The following SVOP variants were observed in gnomAD, a reference collection of about 807,000 sequenced individuals.
SVOP encodes the protein synaptic vesicle 2-related protein.
Under a neutral mutation model 69.1 loss-of-function variants are expected in SVOP, and 17 were observed. The ratio of observed to expected loss-of-function variants is 0.25; its 90% CI spans 0.17 to 0.37. The LOEUF is 0.37. SVOP is among the 10% of genes least tolerant of loss of function. The probability of loss-of-function intolerance (pLI) is 1.00; values close to 1 mark genes in which losing one functional copy is unlikely to be tolerated. For missense variants in SVOP, 435 were observed against 597.5 expected (o/e 0.73, Z 2.84); for synonymous variants, 238 against 238.6 (o/e 1.00, Z 0.02).
At chr12:109,019,948 C>T (rs188522647) in intron 1 of SVOP, among the ~76,000 whole-genome samples, 9 of 152,278 alleles carry the variant, frequency 5.9e-5, no homozygotes, top group East Asian at 1.9e-4. Flanking sequence ...TTCTAACAAT[C>T]CCAAAGGGAA....
intron 1 of SVOP, among the ~76,000 whole-genome samples, chr12:109,002,219 A>G (rs2040275746): frequency 2.3e-5 from 1 of 43,648 alleles, no homozygotes; most frequent in East Asian, 5.5e-4. Context: ...GCTCATCATC[A>G]CTGGCCATCA....
At chr12:108,957,696 C>T (rs2039993652) in intron 6 of SVOP, among the ~76,000 whole-genome samples, 1 of 152,210 alleles carries the variant, frequency 6.6e-6, no homozygotes, top group South Asian at 2.1e-4. Flanking sequence ...TGGACAAGCG[C>T]AGCAGCTATG....
intron 6 of SVOP, among the ~76,000 whole-genome samples, chr12:108,946,901 G>C (rs991860543): frequency 1.3e-5 from 2 of 151,606 alleles, no homozygotes; most frequent in Admixed American, 1.3e-4. Context: ...GTATTTTTTG[G>C]TAGAGACGGG....
At chr12:108,924,792 T>C (rs2039770331) in intron 11 of SVOP, among the ~76,000 whole-genome samples, 1 of 152,134 alleles carries the variant, frequency 6.6e-6, no homozygotes, top group Admixed American at 6.5e-5. Context: ...AAAGATAACA[T>C]CTTAACATAT....
chr12:108,988,708 G>T (rs998463829), intron 1 of SVOP, among the ~76,000 whole-genome samples: 14 of 149,780 alleles, frequency 9.3e-5, no homozygotes, highest in African/African-American at 3.4e-4. Context: ...TCCCTTGAGA[G>T]ATTCTATATG....
At chr12:108,976,592 C>T (rs903309397) in intron 4 of SVOP, among the ~76,000 whole-genome samples, 1 of 149,924 alleles carries the variant, frequency 6.7e-6, no homozygotes, top group East Asian at 2.0e-4. Context: ...TCCAGCCTGG[C>T]CATTCCTCTC....
intron 8 of SVOP, 78 bp downstream of exon 8, chr12:108,940,706 C>T (rs1214891534): frequency 6.6e-7 from 1 of 1,505,972 alleles, no homozygotes; most frequent in Non-Finnish European, 8.9e-7. Context: ...GTATCCTTCC[C>T]TATCCCCTCC....
At chr12:109,000,098 A>G (rs535090334) in intron 1 of SVOP, among the ~76,000 whole-genome samples, 1 of 152,198 alleles carries the variant, frequency 6.6e-6, no homozygotes, top group Non-Finnish European at 1.5e-5. Flanking sequence ...AGAAGAATCA[A>G]ATAGACACAA....
intron 10 of SVOP, among the ~76,000 whole-genome samples, chr12:108,936,718 T>G (rs1041426316): frequency 6.6e-6 from 1 of 152,186 alleles, no homozygotes. Context: ...TCGAGAGATA[T>G]TCCCACCTTG....
intron 6 of SVOP, 42 bp from the exon 7 acceptor site, chr12:108,945,208 C>G (rs2039915610): frequency 6.5e-7 from 1 of 1,530,480 alleles, no homozygotes; most frequent in Admixed American, 2.0e-5. Flanking sequence ...AAGATCAGAA[C>G]TGGGTGGGAA....
chr12:108,980,664 G>A (rs1163124167), intron 2 of SVOP, among the ~76,000 whole-genome samples: 1 of 111,264 alleles, frequency 9.0e-6, no homozygotes, highest in East Asian at 2.3e-4. Flanking sequence ...GCAGGAGAAT[G>A]GCGTGAACCC....
At chr12:109,003,444 G>C (rs7134535) in intron 1 of SVOP, among the ~76,000 whole-genome samples, 1 of 151,996 alleles carries the variant, frequency 6.6e-6, no homozygotes, top group African/African-American at 2.4e-5. Flanking sequence ...GCTTGCAGAC[G>C]GTTGTGAGCA....
chr12:108,929,734 A>G (rs2039804056), intron 11 of SVOP, among the ~76,000 whole-genome samples: 1 of 152,190 alleles, frequency 6.6e-6, no homozygotes, highest in Admixed American at 6.5e-5. Flanking sequence ...ACTTGCGTAT[A>G]CAGAAAGGAG....
At chr12:108,966,173 C>G (rs901339728) in intron 5 of SVOP, among the ~76,000 whole-genome samples, 2 of 152,092 alleles carry the variant, frequency 1.3e-5, no homozygotes, top group African/African-American at 4.8e-5. Flanking sequence ...GCTACATTTT[C>G]TTATTTAATC....
At chr12:108,962,228 A>G (rs1169482542) in intron 5 of SVOP, among the ~76,000 whole-genome samples, 7 of 152,040 alleles carry the variant, frequency 4.6e-5, no homozygotes, top group Non-Finnish European at 8.8e-5. Context: ...TCTCCCATGT[A>G]ACTGGAAGCA....
rs550875087 is a variant in SVOP, at chr12:108,995,832, G to C, written c.36-12071C>G. ...AGGACAATCGCTTGAATCTGGGAGG[G>C]GGGAGGTTGCAGTGAGCTGAGATCG... On this transcript the variant is annotated intron_variant, in intron 1 of 15. Coordinates refer to ENST00000610966, the MANE Select transcript of SVOP (RefSeq NM_018711.5). Among the ~76,000 whole-genome samples, 110 of 151,914 alleles carry C rather than the reference G, an allele frequency of 7.2e-4. 3 individuals are homozygous for C. The South Asian group carries it at 0.022, about 30-fold the overall frequency.
chr12:108,923,567 C>G lies in SVOP; in HGVS notation c.1049-770G>C, dbSNP rs141368031. Among the ~76,000 whole-genome samples the G allele has an allele frequency of 5.7e-3, 863 of 152,080 alleles. 2 individuals are homozygous for G. Among genetic ancestry groups the G allele is most frequent in the Non-Finnish European group, 9.5e-3 (644 of 67,972 alleles). On this transcript the variant is annotated intron_variant, in intron 11 of 15. Coordinates refer to ENST00000610966, the MANE Select transcript of SVOP (RefSeq NM_018711.5). ...CCTTGATTGCAGCCTGGCAAAGGACCCTGCTAAGTTGTGTCCAGACTCCTG... is the reference window on the plus strand; with the variant it reads ...CCTTGATTGCAGCCTGGCAAAGGACGCTGCTAAGTTGTGTCCAGACTCCTG...
intron 9 of SVOP, 144 bp downstream of exon 9, chr12:108,938,683 T>A (rs1273461256): frequency 7.4e-7 from 1 of 1,350,274 alleles, no homozygotes; most frequent in Non-Finnish European, 1.0e-6. Context: ...TGGGCCCTCA[T>A]CTGCTCCATG....
At chr12:109,012,314 T>C (rs1176507649) in intron 1 of SVOP, among the ~76,000 whole-genome samples, 1 of 149,484 alleles carries the variant, frequency 6.7e-6, no homozygotes. Flanking sequence ...ACAGGAGAAA[T>C]AGGTTCAAGA....
Sources: gnomAD v4.1 joint callset for allele counts (sites outside exome capture counted in the v4.1 genomes callset) on GRCh38, gnomAD v4.1.1 for gene constraint, MANE v1.5 for transcripts, NCBI Gene and HGNC (gene_info 2026-07-23, HGNC 2026-07-21) for gene names.